CDH8: variants seen among roughly 807,000 people sequenced by gnomAD.
CDH8 encodes the protein cadherin-8.
CDH8 carries 17 observed loss-of-function variants against 68.1 expected under a neutral mutation model. The ratio of observed to expected loss-of-function variants is 0.25; its 90% CI spans 0.17 to 0.37. The LOEUF (loss-of-function observed/expected upper bound fraction) is 0.37, where lower values mean the gene tolerates loss of function less well. CDH8 is among the 10% of genes least tolerant of loss of function. CDH8 has a pLI of 1.00. For missense variants in CDH8, 763 were observed against 999.3 expected (o/e 0.76, Z 3.19); for synonymous variants, 372 against 365.1 (o/e 1.02, Z -0.21).
chr16:62,004,374 T>C (rs1303453292), intron 2 of CDH8, among the ~76,000 whole-genome samples: 1 of 152,098 alleles, frequency 6.6e-6, no homozygotes, highest in African/African-American at 2.4e-5. Flanking sequence ...CAGAGCAGAA[T>C]CACAATCCTC....
At chr16:61,928,486 T>C (rs975871070) in intron 2 of CDH8, among the ~76,000 whole-genome samples, 1 of 152,192 alleles carries the variant, frequency 6.6e-6, no homozygotes, top group Non-Finnish European at 1.5e-5. Context: ...ATCATGTCCC[T>C]GCACTATACC....
chr16:61,721,804 C>T (rs1959220446), intron 9 of CDH8, among the ~76,000 whole-genome samples: 1 of 150,770 alleles, frequency 6.6e-6, no homozygotes, highest in African/African-American at 2.4e-5. Context: ...CTTTTAAGAG[C>T]AGACTTTAAA....
chr16:61,739,517 G>A (rs867112752), intron 8 of CDH8, among the ~76,000 whole-genome samples: 4 of 151,756 alleles, frequency 2.6e-5, no homozygotes, highest in South Asian at 2.1e-4. Flanking sequence ...GTATATATGG[G>A]TTGAAATCAA....
intron 4 of CDH8, among the ~76,000 whole-genome samples, chr16:61,845,260 A>G (rs1441122934): frequency 1.3e-5 from 2 of 152,136 alleles, no homozygotes; most frequent in East Asian, 3.9e-4. Context: ...GTCATTTATT[A>G]TTATCTTCAT....
At chr16:61,768,353 T>C (rs1266175802) in intron 8 of CDH8, among the ~76,000 whole-genome samples, 50 of 109,422 alleles carry the variant, frequency 4.6e-4, no homozygotes, top group African/African-American at 1.2e-3. Context: ...TCTCTCTCTC[T>C]CTCTCTCTCT....
chr16:61,827,725 C>T (rs1962371283), intron 4 of CDH8, among the ~76,000 whole-genome samples: 1 of 151,658 alleles, frequency 6.6e-6, no homozygotes, highest in Non-Finnish European at 1.5e-5. Flanking sequence ...TTTTACCCTC[C>T]CCCATTGAGG....
intron 2 of CDH8, among the ~76,000 whole-genome samples, chr16:62,001,119 T>G (rs1965886907): frequency 6.6e-6 from 1 of 152,188 alleles, no homozygotes; most frequent in Non-Finnish European, 1.5e-5. Flanking sequence ...GGGGAATGAC[T>G]GGTCTAGTTT....
intron 4 of CDH8, among the ~76,000 whole-genome samples, chr16:61,839,211 T>C (rs12599477): frequency 0.059 from 9,027 of 152,112 alleles, 634 homozygotes; most frequent in East Asian, 0.23. Context: ...ATCTTTAACT[T>C]TTTTTTCCTT....
chr16:61,789,241 A>G (rs1477438271), intron 8 of CDH8, 105 bp downstream of exon 8: 1 of 986,866 alleles, frequency 1.0e-6, no homozygotes, highest in African/African-American at 1.7e-5. Context: ...AATAAGTTCC[A>G]ATGTCAAGGT....
intron 7 of CDH8, among the ~76,000 whole-genome samples, chr16:61,803,874 C>T (rs978862248): frequency 5.2e-5 from 7 of 134,450 alleles, no homozygotes; most frequent in Non-Finnish European, 1.1e-4. Flanking sequence ...TAATGGGAGA[C>T]TTTAACACCC....
At chr16:61,779,165 T>C (rs1960976186) in intron 8 of CDH8, among the ~76,000 whole-genome samples, 1 of 152,072 alleles carries the variant, frequency 6.6e-6, no homozygotes, top group African/African-American at 2.4e-5. Context: ...AGGTACAGAG[T>C]GTCAGAGAGT....
At chr16:61,801,637 G>A (rs1346953919) in intron 7 of CDH8, among the ~76,000 whole-genome samples, 2 of 152,222 alleles carry the variant, frequency 1.3e-5, no homozygotes, top group South Asian at 4.1e-4. Context: ...AGCAGGGCGA[G>A]GCATTGCCTC....
At chr16:61,844,685 T>C (rs1217906338) in intron 4 of CDH8, among the ~76,000 whole-genome samples, 1 of 152,172 alleles carries the variant, frequency 6.6e-6, no homozygotes, top group Non-Finnish European at 1.5e-5. Flanking sequence ...GACTCTAGTA[T>C]TTGATTATTG....
intron 8 of CDH8, among the ~76,000 whole-genome samples, chr16:61,783,186 T>C (rs1485983553): frequency 1.6e-5 from 2 of 122,440 alleles, no homozygotes; most frequent in Non-Finnish European, 3.4e-5. Flanking sequence ...TTGAAAACTT[T>C]GAAAAAAATT....
intron 9 of CDH8, among the ~76,000 whole-genome samples, chr16:61,720,343 G>A (rs1311721101): frequency 1.3e-5 from 2 of 150,912 alleles, no homozygotes; most frequent in Non-Finnish European, 3.0e-5. Flanking sequence ...CATCATCATG[G>A]CTTTTATGAA....
chr16:61,835,129 T>C (rs918455570), intron 4 of CDH8, among the ~76,000 whole-genome samples: 2 of 151,954 alleles, frequency 1.3e-5, no homozygotes, highest in African/African-American at 2.4e-5. Flanking sequence ...GGCTCTGTCA[T>C]ATAGGTTTTA....
At chr16:61,721,378 C>G (rs923138351) in intron 9 of CDH8, among the ~76,000 whole-genome samples, 6 of 150,814 alleles carry the variant, frequency 4.0e-5, no homozygotes, top group Non-Finnish European at 7.4e-5. Context: ...TGAAAGATGC[C>G]TGCTGGCAGG....
chr16:61,930,546 C>T (rs1008600524), intron 2 of CDH8, among the ~76,000 whole-genome samples: 2 of 152,126 alleles, frequency 1.3e-5, no homozygotes, highest in African/African-American at 4.8e-5. Flanking sequence ...TCTTCTATGC[C>T]AAAAGGACTG....
intron 8 of CDH8, among the ~76,000 whole-genome samples, chr16:61,760,813 T>A (rs575188359): frequency 5.9e-5 from 9 of 152,110 alleles, no homozygotes; most frequent in Non-Finnish European, 1.2e-4. Context: ...ATATTAACAT[T>A]AAACAAATAA....
Sources: allele counts gnomAD v4.1 joint callset (sites outside exome capture counted in the v4.1 genomes callset), GRCh38; gene constraint gnomAD v4.1.1; transcripts MANE v1.5; gene names NCBI Gene and HGNC (gene_info 2026-07-23, HGNC 2026-07-21).